The following RGS8 variants were observed in gnomAD, a reference collection of about 807,000 sequenced individuals.
RGS8 encodes regulator of G protein signaling 8.
In RGS8, 8 loss-of-function variants were observed where a neutral mutation model predicts 21.7. That is an observed-to-expected ratio of 0.37 (90% CI 0.22 to 0.66). RGS8 has a LOEUF of 0.66. Ranked by LOEUF, RGS8 falls within the 30% of genes least tolerant of loss-of-function variation. RGS8 has a pLI of 0.59. For synonymous variants in RGS8, 80 were observed against 83.6 expected, an observed-to-expected ratio of 0.96 and a Z score of 0.24; for missense variants, 157 against 217.9, an observed-to-expected ratio of 0.72 and a Z score of 1.76.
the RGS8 span, among the ~76,000 whole-genome samples, chr1:182,746,344 T>C: frequency 6.6e-6 from 1 of 152,188 alleles, no homozygotes; most frequent in African/African-American, 2.4e-5. Context: ...GCAAACACAA[T>C]ATATATGATG....
In RGS8 at chr1:182,681,522, C is replaced by A. The variant is rs73063400; in HGVS notation, n.221+2834G>T. Among the ~76,000 whole-genome samples the A allele has an allele frequency of 7.6e-3, 1,163 of 152,324 alleles. 13 individuals carry two copies. The highest frequency in any genetic ancestry group is 0.027 in the African/African-American group (1,130 of 41,570). ...TTCTAGCCAGACACCTAGAATCACGCAGCAAGGAGAATCCACAGCCATCAG... is the reference window on the plus strand; with the variant it reads ...TTCTAGCCAGACACCTAGAATCACGAAGCAAGGAGAATCCACAGCCATCAG... On this transcript the variant is annotated intron_variant and non_coding_transcript_variant, in intron 1 of 4. Coordinates refer to the RGS8 transcript ENST00000515211.
chr1:182,737,796 C>T, the RGS8 span, among the ~76,000 whole-genome samples: 12 of 152,114 alleles, frequency 7.9e-5, no homozygotes, highest in African/African-American at 2.4e-4. Flanking sequence ...CATTCAACCC[C>T]CTACAGGCAG....
At chr1:182,671,763 C>A in intron 1 of RGS8, 33 bp from the exon 3 acceptor site, 2 of 1,613,568 alleles carry the variant, frequency 1.2e-6, no homozygotes, top group South Asian at 2.2e-5. Context: ...TTTTAGCAGT[C>A]AAATCCTCGG....
the RGS8 span, among the ~76,000 whole-genome samples, chr1:182,744,405 G>GGT: frequency 2.0e-5 from 3 of 152,138 alleles, no homozygotes; most frequent in Admixed American, 6.5e-5. Context: ...TGGGATTACA[G>GGT]GTGTAAGCCA....
intron 2 of RGS8, 73 bp downstream of exon 3, chr1:182,671,584 T>C: frequency 7.4e-7 from 1 of 1,351,046 alleles, no homozygotes; most frequent in Non-Finnish European, 1.1e-6. Context: ...GGCAAGTTAA[T>C]TAAATATGGA....
chr1:182,667,988 T>A (rs1437795674), intron 3 of RGS8, among the ~76,000 whole-genome samples: 1 of 152,196 alleles, frequency 6.6e-6, no homozygotes, highest in East Asian at 1.9e-4. Context: ...AGCTAGCCTC[T>A]GCTAACCTTT....
the RGS8 span, among the ~76,000 whole-genome samples, chr1:182,704,250 G>C: frequency 6.6e-6 from 1 of 152,232 alleles, no homozygotes; most frequent in Non-Finnish European, 1.5e-5. Context: ...CACTTCCCTG[G>C]GTACTAGAAC....
chr1:182,657,121 G>C (rs1280464745), intron 5 of RGS8, among the ~76,000 whole-genome samples: 1 of 128,458 alleles, frequency 7.8e-6, no homozygotes, highest in East Asian at 2.4e-4. Flanking sequence ...TCCTGCTTAT[G>C]TGACCAAGCA....
the RGS8 span, among the ~76,000 whole-genome samples, chr1:182,709,488 C>T: frequency 7.3e-3 from 1,118 of 152,296 alleles, 8 homozygotes; most frequent in Non-Finnish European, 0.013. Flanking sequence ...CAATGTGACA[C>T]CTCATATCCA....
chr1:182,664,284 TA>T (rs1553220368), intron 5 of RGS8, among the ~76,000 whole-genome samples: 20 of 149,094 alleles, frequency 1.3e-4, no homozygotes, highest in Admixed American at 2.7e-4. Context: ...AAGTATCATT[TA>T]AAAAAAAAAC....
chr1:182,671,657 T>G, exon 2 of RGS8: 1 of 1,614,042 alleles, frequency 6.2e-7, no homozygotes, highest in Non-Finnish European at 8.5e-7. Context: ...CAATACTCAC[T>G]GTCTTTGGCC....
the RGS8 span, among the ~76,000 whole-genome samples, chr1:182,738,500 A>G: frequency 6.6e-6 from 1 of 152,212 alleles, no homozygotes. Context: ...TTTTAAATGA[A>G]ATTAGAGTTG....
chr1:182,696,701 T>C, the RGS8 span, among the ~76,000 whole-genome samples: 1 of 152,248 alleles, frequency 6.6e-6, no homozygotes, highest in East Asian at 1.9e-4. Context: ...ATCCTGTCTT[T>C]GTGCCTTGTA....
At chr1:182,710,491 C>T in the RGS8 span, among the ~76,000 whole-genome samples, 2 of 152,138 alleles carry the variant, frequency 1.3e-5, no homozygotes, top group Non-Finnish European at 2.9e-5. Context: ...TAATAAAATG[C>T]TGGCAACCTC....
chr1:182,678,679 A>G lies in RGS8; in HGVS notation n.221+5677T>C, dbSNP rs80059304. 8.7e-3 allele frequency among the ~76,000 whole-genome samples: 1,331 copies of G among 152,326 alleles called. 10 individuals carry two copies. Among genetic ancestry groups the G allele is most frequent in the Middle Eastern group, 0.044 (13 of 294 alleles). On this transcript the variant is annotated intron_variant and non_coding_transcript_variant, in intron 1 of 4. Coordinates refer to the RGS8 transcript ENST00000515211. ...GGCCATATGTTAACACTGGACAAGG[A>G]GAGAAATGATGGCCTGTTTGCTCAC...
the RGS8 span, among the ~76,000 whole-genome samples, chr1:182,741,746 C>T: frequency 3.9e-5 from 4 of 101,460 alleles, no homozygotes; most frequent in East Asian, 2.8e-4. Context: ...GCTGGCTGGG[C>T]GGGGGGCTGA....
the RGS8 span, among the ~76,000 whole-genome samples, chr1:182,741,946 G>A: frequency 4.8e-5 from 7 of 147,020 alleles, no homozygotes; most frequent in East Asian, 1.2e-3. Flanking sequence ...CTTCCCAGAC[G>A]GGGTGGCTGC....
chr1:182,741,949 G>T, the RGS8 span, among the ~76,000 whole-genome samples: 40,481 of 130,468 alleles, frequency 0.31, 6,662 homozygotes, highest in Non-Finnish European at 0.37. Flanking sequence ...CCCAGACGGG[G>T]TGGCTGCTGG....
the RGS8 span, among the ~76,000 whole-genome samples, chr1:182,716,125 G>GTTTTTTT: frequency 1.4e-5 from 2 of 147,550 alleles, no homozygotes. Context: ...ACTGTTTTTT[G>GTTTTTTT]GTTTTTTTTT....
Sources: gnomAD v4.1 joint callset for allele counts (sites outside exome capture counted in the v4.1 genomes callset) on GRCh38, gnomAD v4.1.1 for gene constraint, MANE v1.5 for transcripts, NCBI Gene and HGNC (gene_info 2026-07-23, HGNC 2026-07-21) for gene names.